WDPCP: variants seen among roughly 807,000 people sequenced by gnomAD.
WDPCP encodes WD repeat-containing and planar cell polarity effector protein fritz homolog.
Under a neutral mutation model 93.1 loss-of-function variants are expected in WDPCP, and 71 were observed. The ratio of observed to expected loss-of-function variants is 0.76; its 90% CI spans 0.63 to 0.93. The LOEUF is 0.93. WDPCP is among the 40% of genes least tolerant of loss of function. WDPCP has a pLI of 0.00. For synonymous variants in WDPCP, 315 were observed against 315.0 expected (o/e 1.00, Z 0.00); for missense variants, 844 against 887.4 (o/e 0.95, Z 0.62).
chr2:63,314,696 C>A (rs2103985022), intron 12 of WDPCP, among the ~76,000 whole-genome samples: 1 of 152,102 alleles, frequency 6.6e-6, no homozygotes, highest in African/African-American at 2.4e-5. Flanking sequence ...TTATTTCTAC[C>A]CACTGTCTCC....
intron 3 of WDPCP, among the ~76,000 whole-genome samples, chr2:63,628,089 C>G (rs1386701219): frequency 3.3e-5 from 5 of 152,194 alleles, no homozygotes; most frequent in Non-Finnish European, 7.3e-5. Flanking sequence ...GCTCCTGGTC[C>G]TGCTAGGGGT....
chr2:63,416,110 A>C (rs1306901536), intron 9 of WDPCP, among the ~76,000 whole-genome samples: 1 of 152,248 alleles, frequency 6.6e-6, no homozygotes. Flanking sequence ...ACAAATACAA[A>C]ACATTATTGC....
At chr2:63,603,721 G>A (rs952103765) in intron 3 of WDPCP, among the ~76,000 whole-genome samples, 8 of 143,736 alleles carry the variant, frequency 5.6e-5, no homozygotes, top group Admixed American at 2.9e-4. Flanking sequence ...GCAGTGGTGC[G>A]ATCTTGGCTC....
At chr2:63,295,507 G>A (rs1266538904) in intron 13 of WDPCP, among the ~76,000 whole-genome samples, 1 of 150,116 alleles carries the variant, frequency 6.7e-6, no homozygotes, top group African/African-American at 2.5e-5. Flanking sequence ...TCAGAAAAAA[G>A]ACAGACTTTA....
At chr2:63,706,305 A>G (rs1575752921) in intron 2 of WDPCP, among the ~76,000 whole-genome samples, 1 of 152,282 alleles carries the variant, frequency 6.6e-6, no homozygotes, top group East Asian at 1.9e-4. Context: ...ATTTAAGGTT[A>G]GTATTGTTAT....
At chr2:63,209,287 C>T (rs1264707962) in intron 14 of WDPCP, among the ~76,000 whole-genome samples, 1 of 152,218 alleles carries the variant, frequency 6.6e-6, no homozygotes, top group African/African-American at 2.4e-5. Flanking sequence ...CTGCCATACT[C>T]ATTCCCTTGG....
intron 1 of WDPCP, among the ~76,000 whole-genome samples, chr2:63,504,627 TA>T (rs1701756005): frequency 6.6e-6 from 1 of 152,038 alleles, no homozygotes; most frequent in Non-Finnish European, 1.5e-5. Context: ...TCCCTCTGCC[TA>T]AATGCTGTGC....
intron 14 of WDPCP, among the ~76,000 whole-genome samples, chr2:63,250,481 T>C (rs889017411): frequency 2.0e-5 from 3 of 152,184 alleles, no homozygotes; most frequent in Non-Finnish European, 4.4e-5. Context: ...AGTATAAATA[T>C]CTGAGTTCTT....
intron 3 of WDPCP, chr2:63,605,465 T>A: frequency 9.1e-7 from 1 of 1,098,388 alleles, no homozygotes. Context: ...ATAAAAAGAA[T>A]ATAGCCTTAG....
chr2:63,220,009 A>G (rs1174886208), intron 14 of WDPCP, among the ~76,000 whole-genome samples: 1 of 152,138 alleles, frequency 6.6e-6, no homozygotes, highest in Admixed American at 6.5e-5. Flanking sequence ...CTCCCAAAAA[A>G]AAATAAAAAA....
chr2:63,426,185 C>T (rs1696274057), intron 9 of WDPCP, among the ~76,000 whole-genome samples: 1 of 152,036 alleles, frequency 6.6e-6, no homozygotes, highest in Non-Finnish European at 1.5e-5. Flanking sequence ...CTAAAAATTA[C>T]AAAAATTAGC....
rs770665661 is a variant in WDPCP at position 63,174,790 on chromosome 2, G to A, written c.1958C>T (p.Ala653Val). ...AGGTGCTAAAGACAGGCCAATAAATGCTTCATTTAGCATATCCCCTCTGTC... is the reference window on the plus strand; with the variant it reads ...AGGTGCTAAAGACAGGCCAATAAATACTTCATTTAGCATATCCCCTCTGTC... ...PLDRGDMLNE[A>V]FIGLSLAPQG... Residue 653 changes from alanine to valine, a missense_variant, in exon 15 of 18, where the codon GCA becomes GTA. By Grantham distance (64) the Ala-to-Val change is moderately conservative. Transcript: ENST00000272321. The A allele has an allele frequency of 1.9e-6, 3 of 1,613,878 alleles. No homozygotes were observed. The highest frequency in any genetic ancestry group is 2.5e-6 in the Non-Finnish European group (3 of 1,179,888).
chr2:63,722,650 A>C, intron 2 of WDPCP, among the ~76,000 whole-genome samples: 2 of 43,138 alleles, frequency 4.6e-5, no homozygotes, highest in Admixed American at 1.8e-4. Context: ...CCCGTCCGGG[A>C]GGGAGGTGGG....
At chr2:63,447,950 T>A (rs916074550) in intron 6 of WDPCP, among the ~76,000 whole-genome samples, 1 of 152,166 alleles carries the variant, frequency 6.6e-6, no homozygotes, top group Non-Finnish European at 1.5e-5. Context: ...TTTTACTATA[T>A]ATCTATTTGT....
chr2:63,267,910 G>C (rs925841819), intron 13 of WDPCP, among the ~76,000 whole-genome samples: 3 of 152,132 alleles, frequency 2.0e-5, no homozygotes, highest in Admixed American at 2.0e-4. Flanking sequence ...TTTGAAAACA[G>C]TATGGAGGTT....
intron 2 of WDPCP, among the ~76,000 whole-genome samples, chr2:63,771,541 T>A (rs1235083384): frequency 4.6e-5 from 7 of 152,016 alleles, no homozygotes; most frequent in African/African-American, 1.7e-4. Context: ...CAACTTGTTT[T>A]TTTTTTAATT....
chr2:63,452,514 T>C (rs1698325914), intron 6 of WDPCP, among the ~76,000 whole-genome samples: 1 of 152,214 alleles, frequency 6.6e-6, no homozygotes. Flanking sequence ...ATGGCCATAC[T>C]GCCCAGGGTA....
intron 12 of WDPCP, among the ~76,000 whole-genome samples, chr2:63,321,619 C>CT (rs554048387): frequency 2.6e-5 from 4 of 152,046 alleles, no homozygotes; most frequent in African/African-American, 9.6e-5. Flanking sequence ...ACGGATATAA[C>CT]TTTTTTTTAT....
chr2:63,762,946 T>TA (rs1360370553), intron 2 of WDPCP, among the ~76,000 whole-genome samples: 1 of 152,058 alleles, frequency 6.6e-6, no homozygotes, highest in Non-Finnish European at 1.5e-5. Flanking sequence ...CATCCATTTA[T>TA]AAAAAAAATT....
Sources: gnomAD v4.1 joint callset for allele counts (sites outside exome capture counted in the v4.1 genomes callset) on GRCh38, gnomAD v4.1.1 for gene constraint, MANE v1.5 for transcripts, NCBI Gene and HGNC (gene_info 2026-07-23, HGNC 2026-07-21) for gene names.